Variants in PAG1 observed in about 807,000 individuals in gnomAD.
PAG1 encodes phosphoprotein membrane anchor with glycosphingolipid microdomains 1, also known as phosphoprotein associated with glycosphingolipid-enriched microdomains 1.
Under a neutral mutation model 31.7 loss-of-function variants are expected in PAG1, and 23 were observed. The ratio of observed to expected loss-of-function variants is 0.73; its 90% CI spans 0.52 to 1.03. The LOEUF is 1.03. PAG1 is among the 50% of genes least tolerant of loss of function. The pLI, the probability that PAG1 is intolerant of heterozygous loss-of-function variation, is 0.00. For synonymous variants in PAG1, 214 were observed against 210.3 expected (o/e 1.02, Z -0.15); for missense variants, 473 against 540.7 (o/e 0.87, Z 1.24).
intron 6 of PAG1, 48 bp from the exon 7 acceptor site, chr8:80,985,425 A>G (rs1195625559): frequency 6.5e-7 from 1 of 1,539,914 alleles, no homozygotes; most frequent in South Asian, 1.3e-5. Context: ...GTCTTTCAAT[A>G]ATTATTACCG....
At chr8:81,056,417 A>G (rs1401087318) in intron 2 of PAG1, among the ~76,000 whole-genome samples, 1 of 152,168 alleles carries the variant, frequency 6.6e-6, no homozygotes, top group Non-Finnish European at 1.5e-5. Flanking sequence ...ATAATACCAC[A>G]CATCTACAAC....
At chr8:81,038,504 C>T (rs7010707) in intron 2 of PAG1, among the ~76,000 whole-genome samples, 5,186 of 152,088 alleles carry the variant, frequency 0.034, 311 homozygotes, top group African/African-American at 0.12. Context: ...GATTGTTGTC[C>T]GTAAAATGCC....
intron 1 of PAG1, among the ~76,000 whole-genome samples, chr8:81,096,923 C>A (rs1345095856): frequency 2.0e-5 from 3 of 152,210 alleles, no homozygotes; most frequent in African/African-American, 4.8e-5. Context: ...GGCATAGGTG[C>A]CACTTAGCAG....
chr8:80,975,449 T>C lies in PAG1; in HGVS notation c.*1095A>G, dbSNP rs1186724097. 6.6e-6 allele frequency: 1 copy of C among 152,204 alleles called. No individual in the cohort carries two copies. The highest frequency in any genetic ancestry group is 6.5e-5 in the Admixed American group (1 of 15,280). The allele number at this position is 152,204 out of a possible 1,614,324, so 9.4% of individuals were successfully genotyped here. A position where few individuals can be genotyped will look rare whatever the true frequency, so the allele number is the denominator to read the frequency against. ...TTTTTTTCTGGCACTTTTGAGAAAT[T>C]AGGCATTGAACATAAAACATCTTAT... On this transcript the variant is annotated 3_prime_UTR_variant, in exon 9 of 9. Transcript: ENST00000220597.
intron 3 of PAG1, among the ~76,000 whole-genome samples, chr8:80,999,045 G>A (rs1807738311): frequency 6.6e-6 from 1 of 152,210 alleles, no homozygotes; most frequent in Admixed American, 6.5e-5. Context: ...CCCTGGTCCT[G>A]TGAGCACACT....
intron 2 of PAG1, among the ~76,000 whole-genome samples, chr8:81,035,076 C>T (rs1395880515): frequency 6.6e-6 from 1 of 152,060 alleles, no homozygotes; most frequent in Non-Finnish European, 1.5e-5. Flanking sequence ...TGGGGCCCAG[C>T]TATCGCAGGG....
chr8:81,033,699 A>C (rs1808417454), intron 2 of PAG1, among the ~76,000 whole-genome samples: 1 of 152,210 alleles, frequency 6.6e-6, no homozygotes, highest in South Asian at 2.1e-4. Context: ...GGCCCAAGCA[A>C]GTGAACTCCA....
At chr8:81,105,005 C>T (rs1021616854) in intron 1 of PAG1, among the ~76,000 whole-genome samples, 2 of 152,072 alleles carry the variant, frequency 1.3e-5, no homozygotes, top group East Asian at 1.9e-4. Flanking sequence ...TTCCACAACC[C>T]GCCTCTCCGG....
At chr8:80,996,254 CT>C (rs1191374658) in intron 3 of PAG1, among the ~76,000 whole-genome samples, 3 of 152,208 alleles carry the variant, frequency 2.0e-5, no homozygotes, top group Non-Finnish European at 4.4e-5. Flanking sequence ...GCCACCTACT[CT>C]TCTTTAGGGG....
intron 1 of PAG1, among the ~76,000 whole-genome samples, chr8:81,089,723 C>CTT (rs1350467675): frequency 6.6e-6 from 1 of 152,146 alleles, no homozygotes; most frequent in African/African-American, 2.4e-5. Context: ...GCTTCTACAG[C>CTT]TTTATCTTCT....
intron 3 of PAG1, among the ~76,000 whole-genome samples, chr8:81,023,594 GGAGA>G (rs555613066): frequency 6.6e-6 from 1 of 150,712 alleles, no homozygotes; most frequent in Non-Finnish European, 1.5e-5. Flanking sequence ...AACAATGTAA[GGAGA>G]GAGAGAGAGA....
At chr8:81,022,800 T>C (rs1046320090) in intron 3 of PAG1, among the ~76,000 whole-genome samples, 2 of 152,156 alleles carry the variant, frequency 1.3e-5, no homozygotes, top group Non-Finnish European at 2.9e-5. Context: ...CAGGAAATTA[T>C]AGGAGATTTT....
chr8:80,984,708 C>A, intron 7 of PAG1, 68 bp downstream of exon 7: 1 of 1,466,024 alleles, frequency 6.8e-7, no homozygotes, highest in Non-Finnish European at 9.3e-7. Flanking sequence ...CAGAACAACT[C>A]CAGGGCCAGC....
chr8:81,017,809 A>T (rs1808097290), intron 3 of PAG1, among the ~76,000 whole-genome samples: 1 of 152,074 alleles, frequency 6.6e-6, no homozygotes, highest in South Asian at 2.1e-4. Context: ...AGATAGACTT[A>T]ATTAGTTTGA....
At chr8:81,039,444 C>G (rs1182042240) in intron 2 of PAG1, 1 of 152,234 alleles carries the variant, frequency 6.6e-6, no homozygotes, top group Non-Finnish European at 1.5e-5. Context: ...CAAGGAACTG[C>G]AAGCAACTAA....
intron 1 of PAG1, among the ~76,000 whole-genome samples, chr8:81,100,874 TAAGAG>T (rs747198837): frequency 2.2e-4 from 33 of 152,302 alleles, no homozygotes; most frequent in Non-Finnish European, 4.0e-4. Context: ...TGGAAATACA[TAAGAG>T]AAGTGTCCAA....
At chr8:81,019,855 G>A (rs1808132325) in intron 3 of PAG1, among the ~76,000 whole-genome samples, 1 of 152,154 alleles carries the variant, frequency 6.6e-6, no homozygotes, top group Non-Finnish European at 1.5e-5. Context: ...AGCTTGCCCT[G>A]TGCACCTGAA....
intron 2 of PAG1, among the ~76,000 whole-genome samples, chr8:81,068,306 T>C (rs1809040612): frequency 6.6e-6 from 1 of 152,202 alleles, no homozygotes; most frequent in African/African-American, 2.4e-5. Context: ...CAATTTAAAA[T>C]TTTGAATTTC....
At chr8:81,039,865 A>AT (rs539547867) in intron 2 of PAG1, among the ~76,000 whole-genome samples, 87 of 152,302 alleles carry the variant, frequency 5.7e-4, no homozygotes, top group African/African-American at 2.0e-3. Flanking sequence ...TTTCAATTGT[A>AT]TTTTTTCCAG....
Sources: allele counts gnomAD v4.1 joint callset (sites outside exome capture counted in the v4.1 genomes callset), GRCh38; gene constraint gnomAD v4.1.1; transcripts MANE v1.5; gene names NCBI Gene and HGNC (gene_info 2026-07-23, HGNC 2026-07-21).